RYR1: variants seen among roughly 807,000 people sequenced by gnomAD.
RYR1 encodes the protein ryanodine receptor 1.
RYR1 carries 342 observed loss-of-function variants against 583.5 expected under a neutral mutation model. That is an observed-to-expected ratio of 0.59 (90% confidence interval 0.54 to 0.64). The LOEUF (loss-of-function observed/expected upper bound fraction) is 0.64, where lower values mean the gene tolerates loss of function less well. Ranked by LOEUF, RYR1 falls within the 30% of genes least tolerant of loss-of-function variation. The pLI, the probability that RYR1 is intolerant of heterozygous loss-of-function variation, is 0.00. For missense variants in RYR1, 6,032 were observed against 6,917.2 expected, an observed-to-expected ratio of 0.87 and a Z score of 4.54; for synonymous variants, 2,791 against 2,822.5, an observed-to-expected ratio of 0.99 and a Z score of 0.35.
intron 96 of RYR1, 88 bp from the exon 97 acceptor site, chr19:38,575,831 A>C (rs778903180): frequency 2.9e-6 from 4 of 1,379,280 alleles, no homozygotes; most frequent in Non-Finnish European, 4.1e-6. Context: ...AAAACAGTGG[A>C]GTTTCAGCCA....
rs752209443 is a variant in RYR1 at position 38,500,515 on chromosome 19, C to T, written c.7324-91C>T. On this transcript the variant is annotated intron_variant, in intron 45 of 105. Transcript: ENST00000359596. This position sits in a 1 kb window ranked among gnomAD's most constrained non-coding sequence, Gnocchi z 5.9. Reference sequence around the variant, plus strand: ...CCTCCTGAGAAAGAGGCCTGCTCTACCCTCCTGTGTGGTAAGGGAGGGAGC... The same window carrying T: ...CCTCCTGAGAAAGAGGCCTGCTCTATCCTCCTGTGTGGTAAGGGAGGGAGC... The T allele has an allele frequency of 2.1e-4, 326 of 1,578,360 alleles. No individual in the cohort carries two copies. Among genetic ancestry groups the T allele is most frequent in the Non-Finnish European group, 2.1e-4 (246 of 1,153,592 alleles).
In RYR1 at chr19:38,494,480, C is replaced by A; in HGVS notation, c.6403C>A (p.Leu2135Met). The change falls in exon 39 of 106, where the codon CTG becomes ATG. Residue 2135 changes from leucine (L) to methionine (M), a missense_variant. Physicochemically the swap from Leu to Met is conservative, Grantham distance 15. This residue lies in a region of RYR1 where 2,627 missense variants were observed against 2,961.3 expected (regional missense o/e 0.89). Coordinates refer to ENST00000359596, the MANE Select transcript of RYR1 (RefSeq NM_000540.3). ...GCAGTACGACGGGCTGGGTGAGCTG[C>A]TGCGTGCCCTGCCGCGGGCGTACAC... ...HRQYDGLGEL[L>M]RALPRAYTIS... is the part of the protein sequence containing the mutation. The A allele has an allele frequency of 6.2e-7, 1 of 1,613,114 alleles. No individual in the cohort carries two copies. Among genetic ancestry groups the A allele is most frequent in the African/African-American group, 1.3e-5 (1 of 75,030 alleles).
Position 38,496,801 on chromosome 19 carries a change from T to C in RYR1, c.6797-59T>C, listed in dbSNP as rs1270746852. On this transcript the variant is annotated intron_variant, in intron 41 of 105. Coordinates refer to ENST00000359596, the MANE Select transcript of RYR1 (RefSeq NM_000540.3). This position sits in a 1 kb window ranked among gnomAD's most constrained non-coding sequence, Gnocchi z 4.8. ...GGAAAAAGGGTGGTCAGGGAGGGCT[T>C]CCCAGAGGAGGCGAGACAAGCAGGA... is the stretch of plus-strand genomic sequence containing the variant. 37 of 1,529,490 alleles carry C rather than the reference T, an allele frequency of 2.4e-5. No individual in the cohort carries two copies. The highest frequency in any genetic ancestry group is 3.1e-5 in the Non-Finnish European group (34 of 1,104,540). 94.7% of individuals were successfully genotyped at this position (1,529,490 alleles called of 1,614,324 possible).
chr19:38,502,027 C>T lies in RYR1; in HGVS notation c.7615-480C>T, dbSNP rs116473242. ...AATAAATTAGCCAGGCATGGAGGTGCGTCCCTGTAGTCCTAGCTACTAGGG... is the reference window on the plus strand; with the variant it reads ...AATAAATTAGCCAGGCATGGAGGTGTGTCCCTGTAGTCCTAGCTACTAGGG... On this transcript the variant is annotated intron_variant, in intron 47 of 105. Coordinates refer to ENST00000359596, the MANE Select transcript of RYR1 (RefSeq NM_000540.3). Among the ~76,000 whole-genome samples, 661 of 151,060 alleles carry T rather than the reference C, an allele frequency of 4.4e-3. 3 individuals are homozygous for T. Among genetic ancestry groups the T allele is most frequent in the African/African-American group, 0.015 (620 of 41,038 alleles).
At chr19:38,575,769 C>T in intron 96 of RYR1, 150 bp from the exon 97 acceptor site, 5 of 827,286 alleles carry the variant, frequency 6.0e-6, no homozygotes, top group Non-Finnish European at 8.0e-6. Flanking sequence ...CACCACTGCA[C>T]TCCAGCCTGG....
Position 38,448,276 on chromosome 19 carries a change from A to AT in RYR1, c.801-79_801-78insT, listed in dbSNP as rs1491422823. On this transcript the variant is annotated intron_variant, in intron 9 of 105. Transcript: ENST00000359596. ...GCAAGACCTGGTTTCTGTAAAAAAA[A>AT]GAAAAAGAAGAAAAGACTGTAATGT... is the stretch of plus-strand genomic sequence containing the variant. 3 of 1,491,572 alleles carry AT rather than the reference A, an allele frequency of 2.0e-6. No homozygotes were observed. The East Asian group carries it at 6.8e-5, about 34-fold the overall frequency. The allele number at this position is 1,491,572 out of a possible 1,614,324, so 92.4% of individuals were successfully genotyped here.
chr19:38,576,065 G>C, intron 97 of RYR1, 104 bp downstream of exon 97: 1 of 1,363,116 alleles, frequency 7.3e-7, no homozygotes, highest in Non-Finnish European at 1.0e-6. Flanking sequence ...TTGGGCAAGA[G>C]GTTTTTTTGC....
intron 77 of RYR1, 47 bp from the exon 78 acceptor site, chr19:38,532,624 T>C (rs1971792696): frequency 6.2e-7 from 1 of 1,613,382 alleles, no homozygotes; most frequent in Non-Finnish European, 8.5e-7. Flanking sequence ...TGGGGCGGGA[T>C]GGAGGGGTCT....
intron 47 of RYR1, among the ~76,000 whole-genome samples, chr19:38,502,023 G>A (rs181829928): frequency 2.1e-4 from 32 of 152,044 alleles, no homozygotes; most frequent in Middle Eastern, 6.8e-3. Context: ...CAGGCATGGA[G>A]GTGCGTCCCT....
chr19:38,584,853 C>G, intron 101 of RYR1, 90 bp from the exon 102 acceptor site: 1 of 1,519,760 alleles, frequency 6.6e-7, no homozygotes, highest in Non-Finnish European at 9.1e-7. Context: ...TCAGTCGTTA[C>G]CATGTCTTCA....
chr19:38,483,613 T>G lies in RYR1; in HGVS notation c.4934+97T>G. On this transcript the variant is annotated intron_variant, in intron 33 of 105. Transcript: ENST00000359596. This position sits in a 1 kb window ranked among gnomAD's most constrained non-coding sequence, Gnocchi z 6.3. ...GCCCCTCCTCAACACAACCCCGGGA[T>G]TCCAGACTACACCCCAGGAATCTCC... The G allele has an allele frequency of 9.2e-7, 1 of 1,083,252 alleles. No homozygotes were observed. The highest frequency in any genetic ancestry group is 1.3e-6 in the Non-Finnish European group (1 of 741,672). The allele number at this position is 1,083,252 out of a possible 1,614,324, so 67.1% of individuals were successfully genotyped here.
rs1969094980 is a variant in RYR1 at position 38,483,099 on chromosome 19, C to G, written c.4693C>G (p.Leu1565Val). Reference protein sequence around the residue: ...PTHQNVIQFELGKQKNIMPLS... With the variant: ...PTHQNVIQFEVGKQKNIMPLS... ...CCACCAGAACGTCATCCAGTTTGAG[C>G]TGGGGAAGCAGAAGGTACAAGTGCA... Residue 1565 changes from leucine to valine, a missense_variant, in exon 32 of 106, where the codon CTG (leucine) becomes GTG (valine). Coordinates refer to ENST00000359596, the MANE Select transcript of RYR1 (RefSeq NM_000540.3). This position sits in a 1 kb window ranked among gnomAD's most constrained non-coding sequence, Gnocchi z 6.3. The G allele has an allele frequency of 5.6e-6, 9 of 1,614,034 alleles. No homozygotes were observed. Among genetic ancestry groups the G allele is most frequent in the Non-Finnish European group, 7.6e-6 (9 of 1,179,956 alleles).
chr19:38,485,868 C>T lies in RYR1; in HGVS notation c.5213C>T (p.Thr1738Met), dbSNP rs1475419768. The part of the protein sequence containing the change: ...SMLSEYIVPL[T>M]PETRAITLFP... ...CTCTCTGAATACATCGTGCCCCTCA[C>T]GCCTGAGACCCGCGCCATCACGCTC... The change falls in exon 34 of 106, where the codon ACG becomes ATG. Residue 1738 changes from threonine (T) to methionine (M), a missense_variant. Around this residue, in one of 11 missense-constraint regions of RYR1, gnomAD observed 2,627 missense variants for 2,961.3 expected, o/e 0.89. Transcript: ENST00000359596. 1.7e-5 allele frequency: 27 copies of T among 1,613,686 alleles called. No individual in the cohort carries two copies. Among genetic ancestry groups the T allele is most frequent in the Non-Finnish European group, 2.3e-5 (27 of 1,179,998 alleles).
intron 42 of RYR1, among the ~76,000 whole-genome samples, chr19:38,498,471 C>T (rs1400524245): frequency 6.6e-6 from 1 of 152,042 alleles, no homozygotes; most frequent in East Asian, 1.9e-4. Flanking sequence ...GTTCTTGGAT[C>T]TCATGTAAGA....
chr19:38,497,396 T>C (rs1424545801), intron 42 of RYR1, among the ~76,000 whole-genome samples: 1 of 152,170 alleles, frequency 6.6e-6, no homozygotes, highest in Non-Finnish European at 1.5e-5. Context: ...AGTGGTGAAA[T>C]GCGTGGGCTC....
At chr19:38,457,360 A>T in intron 16 of RYR1, 137 bp from the exon 17 acceptor site, 1 of 1,216,318 alleles carries the variant, frequency 8.2e-7, no homozygotes, top group Non-Finnish European at 1.2e-6. Context: ...CACTTTCACC[A>T]CCTCCTCTCA....
rs116783016 is a variant in RYR1, at chr19:38,539,537, C to T, written c.11689+1577C>T. Among the ~76,000 whole-genome samples the T allele has an allele frequency of 9.3e-3, 1,417 of 151,962 alleles. 16 individuals are homozygous for T. Among genetic ancestry groups the T allele is most frequent in the African/African-American group, 0.033 (1,359 of 41,452 alleles). On this transcript the variant is annotated intron_variant, in intron 84 of 105. Transcript: ENST00000359596. ...ACAGGTGTGAGCCACCATACCCAGC[C>T]GGGACTAAGATTTTCATTCTTTAAT...
chr19:38,575,782 AAC>A, intron 96 of RYR1, 135 bp from the exon 97 acceptor site: 1 of 905,460 alleles, frequency 1.1e-6, no homozygotes, highest in Non-Finnish European at 1.8e-6. Context: ...CAGCCTGGGC[AAC>A]AGAGTGAGAC....
intron 90 of RYR1, among the ~76,000 whole-genome samples, chr19:38,563,973 A>G (rs1016359254): frequency 1.3e-5 from 2 of 152,220 alleles, no homozygotes; most frequent in Non-Finnish European, 1.5e-5. Flanking sequence ...GGATTAAATG[A>G]GTTTTATGGA....
Sources: gnomAD v4.1 joint callset for allele counts (sites outside exome capture counted in the v4.1 genomes callset) on GRCh38, gnomAD v4.1.1 for gene constraint, gnomAD v4.1.1 regional missense constraint, Gnocchi (gnomAD v3.1) non-coding constraint, MANE v1.5 for transcripts, NCBI Gene and HGNC (gene_info 2026-07-23, HGNC 2026-07-21) for gene names.